The following PLXNA2 variants were observed in gnomAD, a reference collection of about 807,000 sequenced individuals.
PLXNA2 encodes plexin A2.
A neutral mutation model predicts 193.5 loss-of-function variants in PLXNA2; 91 were observed. The ratio of observed to expected loss-of-function variants is 0.47; its 90% CI spans 0.40 to 0.56. PLXNA2 has a LOEUF of 0.56. PLXNA2 is among the 20% of genes least tolerant of loss of function. The probability of loss-of-function intolerance (pLI) is 0.00; values close to 1 mark genes in which losing one functional copy is unlikely to be tolerated. For synonymous variants in PLXNA2, 997 were observed against 1,027.3 expected (o/e 0.97, Z 0.56); for missense variants, 1,995 against 2,503.2 (o/e 0.80, Z 4.33).
chr1:208,171,862 G>GT (rs980106512), intron 3 of PLXNA2, among the ~76,000 whole-genome samples: 1 of 151,462 alleles, frequency 6.6e-6, no homozygotes, highest in African/African-American at 2.4e-5. Context: ...TAAAAAGGAA[G>GT]TTTTTTTTAA....
Position 208,045,887 on chromosome 1 carries a change from G to A in PLXNA2, c.3486C>T (p.Ile1162=). The A allele has an allele frequency of 6.2e-7, 1 of 1,614,248 alleles. No homozygotes were observed. The highest frequency in any genetic ancestry group is 8.5e-7 in the Non-Finnish European group (1 of 1,180,042). Residue 1162 remains isoleucine (I), a synonymous_variant, in exon 18 of 32, where the codon ATC becomes ATT. Coordinates refer to ENST00000367033, the MANE Select transcript of PLXNA2 (RefSeq NM_025179.4). The part of the protein sequence containing the change: ...GVLDQKPGSP[I]ILKGKNLCPP... ...TGGCGGGCACTCCTACCTTCAGAAT[G>A]ATGGGCGATCCTGGCTTTTGATCCA...
chr1:208,117,619 G>A (rs1234198543), intron 4 of PLXNA2, among the ~76,000 whole-genome samples: 1 of 152,186 alleles, frequency 6.6e-6, no homozygotes, highest in Non-Finnish European at 1.5e-5. Context: ...GCCATGGAAT[G>A]GTTCAGCAGG....
intron 3 of PLXNA2, among the ~76,000 whole-genome samples, chr1:208,156,904 C>A (rs1361956743): frequency 6.6e-6 from 1 of 152,182 alleles, no homozygotes; most frequent in East Asian, 1.9e-4. Context: ...TCCCTCACAG[C>A]CTCATATACT....
chr1:208,114,276 C>T (rs1333163293), intron 4 of PLXNA2, among the ~76,000 whole-genome samples: 2 of 152,218 alleles, frequency 1.3e-5, no homozygotes, highest in African/African-American at 4.8e-5. Context: ...GTTTTCTAAT[C>T]TTCCATCCTT....
chr1:208,182,214 C>A (rs1669865560), intron 3 of PLXNA2, among the ~76,000 whole-genome samples: 1 of 152,178 alleles, frequency 6.6e-6, no homozygotes, highest in Non-Finnish European at 1.5e-5. Context: ...GCGGGCGGAT[C>A]ACAAGGTCAG....
rs1487819110 is a variant in PLXNA2, at chr1:208,028,126, G to A, written c.5472C>T (p.Ile1824=). Residue 1824 remains isoleucine (I), a synonymous_variant, in exon 31 of 32, where the codon ATC becomes ATT. Transcript: ENST00000367033. The surrounding 1 kb of genome is among the most constrained non-coding windows in gnomAD (Gnocchi z 4.2). ...GGTAGGCATTCATGTCCTGGTCACT[G>A]ATGGCTGGGAGCTTGGCGATGTCTG... ...YYADIAKLPA[I]SDQDMNAYLA... is the part of the protein sequence containing the mutation. The A allele has an allele frequency of 6.8e-6, 11 of 1,613,326 alleles. No individual in the cohort carries two copies. The East Asian group carries it at 1.6e-4, about 23-fold the overall frequency.
At chr1:208,033,530 G>T (rs1668402047) in intron 27 of PLXNA2, 21 bp from the exon 28 acceptor site, 2 of 1,574,826 alleles carry the variant, frequency 1.3e-6, no homozygotes, top group Non-Finnish European at 1.7e-6. Flanking sequence ...GGGGTTGGTG[G>T]AGGGCTGTGA....
At chr1:208,046,797 A>ACTGTGTGTGT (rs1665082635) in intron 17 of PLXNA2, among the ~76,000 whole-genome samples, 1 of 129,592 alleles carries the variant, frequency 7.7e-6, no homozygotes, top group Non-Finnish European at 1.6e-5. Context: ...AGAACAGCAT[A>ACTGTGTGTGT]GTGTGTGTGT....
intron 3 of PLXNA2, among the ~76,000 whole-genome samples, chr1:208,202,349 C>A (rs1252893879): frequency 6.6e-6 from 1 of 152,128 alleles, no homozygotes; most frequent in Non-Finnish European, 1.5e-5. Flanking sequence ...AGTACATATT[C>A]AATAAATATC....
chr1:208,062,072 CA>C (rs1041182792), intron 12 of PLXNA2, among the ~76,000 whole-genome samples: 4 of 149,412 alleles, frequency 2.7e-5, no homozygotes, highest in African/African-American at 4.9e-5. Context: ...AAGGAAGGAG[CA>C]AAAAAAAAGG....
chr1:208,194,685 A>G (rs1040610995), intron 3 of PLXNA2, among the ~76,000 whole-genome samples: 2 of 152,046 alleles, frequency 1.3e-5, no homozygotes, highest in African/African-American at 2.4e-5. Context: ...ATGAGAAACA[A>G]AACCCCGCCA....
chr1:208,171,262 G>A (rs1210825920), intron 3 of PLXNA2, among the ~76,000 whole-genome samples: 1 of 152,240 alleles, frequency 6.6e-6, no homozygotes, highest in Non-Finnish European at 1.5e-5. Flanking sequence ...GCATGCTGGG[G>A]AAGGGCTGGG....
intron 1 of PLXNA2, among the ~76,000 whole-genome samples, chr1:208,233,505 G>T (rs1037159319): frequency 6.6e-6 from 1 of 152,230 alleles, no homozygotes; most frequent in African/African-American, 2.4e-5. Context: ...GGGGCCCGCA[G>T]TGGAAGTCAA....
At chr1:208,041,772 T>C (rs1430564934) in intron 22 of PLXNA2, among the ~76,000 whole-genome samples, 1 of 152,196 alleles carries the variant, frequency 6.6e-6, no homozygotes, top group Non-Finnish European at 1.5e-5. Context: ...TCATTTTGTC[T>C]AGGAGGAAAC....
intron 3 of PLXNA2, among the ~76,000 whole-genome samples, chr1:208,178,409 A>G (rs1050053075): frequency 2.6e-5 from 4 of 152,060 alleles, no homozygotes; most frequent in Non-Finnish European, 5.9e-5. Flanking sequence ...GAGGGAGGAG[A>G]GCTTGGCTGC....
chr1:208,040,834 G>T (rs747138897), intron 22 of PLXNA2, among the ~76,000 whole-genome samples: 8 of 152,244 alleles, frequency 5.3e-5, no homozygotes, highest in Non-Finnish European at 8.8e-5. Context: ...ATTTGCTCAT[G>T]CAAGGGCTGG....
intron 3 of PLXNA2, among the ~76,000 whole-genome samples, chr1:208,196,195 C>T (rs1670353820): frequency 1.3e-5 from 2 of 152,074 alleles, no homozygotes; most frequent in Non-Finnish European, 2.9e-5. Flanking sequence ...AAAACAGCAC[C>T]AACACCAACA....
chr1:208,207,515 G>A (rs1383804368), intron 3 of PLXNA2, among the ~76,000 whole-genome samples: 1 of 152,192 alleles, frequency 6.6e-6, no homozygotes, highest in African/African-American at 2.4e-5. Flanking sequence ...CATACACAGG[G>A]ACATCCTGTT....
At chr1:208,228,706 C>T (rs563548383) in intron 1 of PLXNA2, among the ~76,000 whole-genome samples, 3 of 152,288 alleles carry the variant, frequency 2.0e-5, no homozygotes, top group Non-Finnish European at 2.9e-5. Flanking sequence ...TCTCTAACCT[C>T]ACTGCCCACC....
Sources: gnomAD v4.1 joint callset for allele counts (sites outside exome capture counted in the v4.1 genomes callset) on GRCh38, gnomAD v4.1.1 for gene constraint, Gnocchi (gnomAD v3.1) non-coding constraint, MANE v1.5 for transcripts, NCBI Gene and HGNC (gene_info 2026-07-23, HGNC 2026-07-21) for gene names.